The following CEP63 variants were observed in gnomAD, a reference collection of about 807,000 sequenced individuals.
CEP63 encodes the protein centrosomal protein of 63 kDa.
CEP63 carries 84 observed loss-of-function variants against 89.1 expected under a neutral mutation model. That is an observed-to-expected ratio of 0.94 (90% CI 0.79 to 1.13). The LOEUF (loss-of-function observed/expected upper bound fraction) is 1.13. Ranked by LOEUF, CEP63 falls within the 50% of genes most tolerant of loss-of-function variation. The pLI, the probability that CEP63 is intolerant of heterozygous loss-of-function variation, is 0.00. For synonymous variants in CEP63, 267 were observed against 272.5 expected (o/e 0.98, Z 0.20); for missense variants, 838 against 813.3 (o/e 1.03, Z -0.37).
rs985886978 is a variant in CEP63 at position 134,564,680 on chromosome 3, C to T, written c.*3145C>T. On this transcript the variant is annotated 3_prime_UTR_variant, in exon 15 of 15. Transcript: ENST00000675561. ...TACTGAAAATATATATTTGAAAGGG[C>T]TTTGCAGTTTTAAGTACTGTACCTA... 1.6e-4 allele frequency: 156 copies of T among 985,200 alleles called. No individual in the cohort carries two copies. Among genetic ancestry groups the T allele is most frequent in the Non-Finnish European group, 1.9e-4 (154 of 829,858 alleles). 61.0% of individuals were successfully genotyped at this position (985,200 alleles called of 1,614,324 possible). A position where few individuals can be genotyped will look rare whatever the true frequency, so the allele number is the denominator to read the frequency against.
At chr3:134,693,936 G>A in the CEP63 span, among the ~76,000 whole-genome samples, 3 of 152,208 alleles carry the variant, frequency 2.0e-5, no homozygotes, top group Non-Finnish European at 4.4e-5. Flanking sequence ...CACTCTTCAC[G>A]TTCTGGGCTC....
At chr3:134,557,963 A>G (rs190631715) in intron 12 of CEP63, among the ~76,000 whole-genome samples, 179 bp from the exon 13 acceptor site, 260 of 152,302 alleles carry the variant, frequency 1.7e-3, no homozygotes, top group Admixed American at 5.2e-3. Flanking sequence ...GTGTTCCACT[A>G]CCATTTACTT....
the CEP63 span, chr3:134,650,753 G>T: frequency 7.3e-7 from 1 of 1,377,910 alleles, no homozygotes; most frequent in Non-Finnish European, 9.6e-7. Flanking sequence ...GGCGCCCCCC[G>T]GCGGGCAGGC....
At chr3:134,607,118 T>G in the CEP63 span, 1 of 985,362 alleles carries the variant, frequency 1.0e-6, no homozygotes. Flanking sequence ...TTGGTGTTGC[T>G]TTGACCTGGT....
intron 2 of CEP63, among the ~76,000 whole-genome samples, chr3:134,499,729 A>G (rs1424159621): frequency 6.6e-6 from 1 of 151,982 alleles, no homozygotes; most frequent in East Asian, 1.9e-4. Flanking sequence ...AAGAATGAAC[A>G]TAGTACACAA....
chr3:134,526,788 T>G (rs1948736874), intron 3 of CEP63, among the ~76,000 whole-genome samples: 1 of 152,146 alleles, frequency 6.6e-6, no homozygotes, highest in Admixed American at 6.5e-5. Context: ...TTTTTTTCCT[T>G]TTACCATATT....
downstream of CEP63, among the ~76,000 whole-genome samples, chr3:134,577,389 A>G (rs1577509347): frequency 6.6e-6 from 1 of 151,948 alleles, no homozygotes; most frequent in African/African-American, 2.4e-5. Flanking sequence ...TTGTATGGAA[A>G]AAAAGCTTAC....
intron 3 of CEP63, among the ~76,000 whole-genome samples, chr3:134,509,630 T>C (rs1389805532): frequency 2.6e-5 from 4 of 152,164 alleles, no homozygotes; most frequent in Non-Finnish European, 4.4e-5. Flanking sequence ...CTACTTGTAA[T>C]AATAAGACAA....
the CEP63 span, chr3:134,610,278 C>T: frequency 1.2e-6 from 2 of 1,613,964 alleles, no homozygotes; most frequent in Non-Finnish European, 1.7e-6. Context: ...CCTCCAGGTA[C>T]ACAGCATTCC....
intron 3 of CEP63, among the ~76,000 whole-genome samples, chr3:134,527,279 G>T (rs1042955329): frequency 6.6e-6 from 1 of 152,246 alleles, no homozygotes; most frequent in East Asian, 1.9e-4. Context: ...TGTTGGCTTG[G>T]GGGCAGGGCG....
rs979860580 is a variant in CEP63 at position 134,492,234 on chromosome 3, C to T, written c.-25-3062C>T. ...GACTACAGGCGCGCGCCACCATGCC[C>T]GGCTAATTTTTGTATTTTTAGTAGA... is the stretch of plus-strand genomic sequence containing the variant. On this transcript the variant is annotated intron_variant, in intron 1 of 14. Transcript: ENST00000675561. Among the ~76,000 whole-genome samples the T allele has an allele frequency of 7.2e-5, 11 of 151,974 alleles. No homozygotes were observed. The East Asian group carries it at 7.7e-4, about 11-fold the overall frequency.
At chr3:134,547,501 T>G (rs1373720048) in intron 9 of CEP63, 29 bp downstream of exon 9, 1 of 1,598,668 alleles carries the variant, frequency 6.3e-7, no homozygotes, top group Non-Finnish European at 8.6e-7. Flanking sequence ...ATTTCAAAAA[T>G]TTCAAGTTGT....
the CEP63 span, among the ~76,000 whole-genome samples, chr3:134,771,756 C>T: frequency 7.9e-5 from 12 of 152,042 alleles, no homozygotes; most frequent in East Asian, 1.5e-3. Flanking sequence ...CACACCTGCA[C>T]GTTGTGCATG....
the CEP63 span, among the ~76,000 whole-genome samples, chr3:134,700,211 G>T: frequency 6.6e-6 from 1 of 152,130 alleles, no homozygotes; most frequent in East Asian, 1.9e-4. Context: ...TGCTGACTCT[G>T]TCTTCCAAAC....
At chr3:134,777,878 G>A in the CEP63 span, among the ~76,000 whole-genome samples, 1 of 151,820 alleles carries the variant, frequency 6.6e-6, no homozygotes, top group African/African-American at 2.4e-5. Flanking sequence ...GTCTCCCAAA[G>A]TGCTGGGATT....
At position 134,559,428 on chromosome 3, in the gene CEP63, C is replaced by T. The variant is rs1127826; in HGVS notation, c.1952C>T (p.Ser651Leu). Reference sequence around the variant, plus strand: ...AATGACCAAGAAGAGTTTATATCTTCGGTATGGAAACTTTCTGATCTTAGT... The same window carrying T: ...AATGACCAAGAAGAGTTTATATCTTTGGTATGGAAACTTTCTGATCTTAGT... ...SMNDQEEFIS[S>L]CSLPVSPLGS... The change falls in exon 14 of 15, where the codon TCG (serine) becomes TTG (leucine). Residue 651 changes from serine to leucine, a missense_variant and splice_region_variant. Ser to Leu is a moderately radical substitution (Grantham distance 145). Coordinates refer to ENST00000675561, the MANE Select transcript of CEP63 (RefSeq NM_001353108.3). 0.35 allele frequency: 565,525 copies of T among 1,609,348 alleles called. 105,876 individuals carry two copies. Among genetic ancestry groups the T allele is most frequent in the East Asian group, 0.62 (27,626 of 44,836 alleles).
At chr3:134,714,765 T>C in the CEP63 span, among the ~76,000 whole-genome samples, 3 of 152,222 alleles carry the variant, frequency 2.0e-5, no homozygotes, top group African/African-American at 7.2e-5. Context: ...AGATTTGCTC[T>C]CCTCCAAATG....
intron 12 of CEP63, among the ~76,000 whole-genome samples, chr3:134,557,216 C>T (rs188702469): frequency 1.3e-5 from 2 of 152,062 alleles, no homozygotes; most frequent in African/African-American, 4.8e-5. Context: ...AGATGTTCTT[C>T]TCTGATATTT....
the CEP63 span, among the ~76,000 whole-genome samples, chr3:134,649,051 T>G: frequency 6.6e-6 from 1 of 152,342 alleles, no homozygotes; most frequent in Admixed American, 6.5e-5. Flanking sequence ...TGGGGTCTCC[T>G]GAATATCATC....
Sources: allele counts gnomAD v4.1 joint callset (sites outside exome capture counted in the v4.1 genomes callset), GRCh38; gene constraint gnomAD v4.1.1; transcripts MANE v1.5; gene names NCBI Gene and HGNC (gene_info 2026-07-23, HGNC 2026-07-21).